Variants in NFIX observed in about 807,000 individuals in gnomAD.
NFIX encodes the protein nuclear factor 1 X-type.
NFIX carries 2 observed loss-of-function variants against 53.3 expected under a neutral mutation model. The observed-to-expected ratio is 0.04, with a 90% CI of 0.02 to 0.12. The LOEUF (loss-of-function observed/expected upper bound fraction) is 0.12, where lower values mean the gene tolerates loss of function less well. NFIX is among the 10% of genes least tolerant of loss of function. NFIX has a pLI of 1.00. For missense variants in NFIX, 310 were observed against 674.5 expected (o/e 0.46, Z 5.99); for synonymous variants, 244 against 289.0 (o/e 0.84, Z 1.58).
chr19:13,024,836 A>C (rs1466701103), intron 1 of NFIX, 185 bp from the exon 2 acceptor site: 7 of 1,342,520 alleles, frequency 5.2e-6, no homozygotes, highest in African/African-American at 1.4e-5. Context: ...TGGTGGCTTC[A>C]AACCACACTT....
chr19:13,073,135 G>C lies in NFIX; in HGVS notation c.622+26G>C. 6.2e-7 allele frequency: 1 copy of C among 1,612,168 alleles called. No individual in the cohort carries two copies. The highest frequency in any genetic ancestry group is 1.1e-5 in the South Asian group (1 of 91,036). Reference sequence around the variant, plus strand: ...GTCAGTGCCCCCCACCTGCCCAGCTGCCCTTATCCTTCATGCCCCTCCACT... The same window carrying C: ...GTCAGTGCCCCCCACCTGCCCAGCTCCCCTTATCCTTCATGCCCCTCCACT... On this transcript the variant is annotated intron_variant, in intron 3 of 10. Transcript: ENST00000592199. The surrounding 1 kb of genome is among the most constrained non-coding windows in gnomAD (Gnocchi z 4.5).
chr19:13,054,525 C>G (rs2015528767), intron 2 of NFIX, among the ~76,000 whole-genome samples: 1 of 152,102 alleles, frequency 6.6e-6, no homozygotes, highest in African/African-American at 2.4e-5. Context: ...TCCCTGCACT[C>G]CTGTGGGTGC....
rs1421108886 is a variant in NFIX, at chr19:13,018,298, G to A, written c.28-6723G>A. Among the ~76,000 whole-genome samples, 5 of 135,084 alleles carry A rather than the reference G, an allele frequency of 3.7e-5. No individual in the cohort carries two copies. In the East Asian group the frequency reaches 7.3e-4, roughly 20 times the overall value. The allele number at this position is 135,084 out of a possible 152,430, so 88.6% of individuals were successfully genotyped here. A position where few individuals can be genotyped will look rare whatever the true frequency, so the allele number is the denominator to read the frequency against. On this transcript the variant is annotated intron_variant, in intron 1 of 10. Coordinates refer to ENST00000592199, the MANE Select transcript of NFIX (RefSeq NM_001365902.3). The stretch of plus-strand genomic sequence containing the variant: ...CCTGTTGGCCCGATCCCAGGCCACC[G>A]CTCCTGGTTTGTAGTCTGGAGGAGA...
chr19:13,064,639 CTG>C (rs1043257849), intron 2 of NFIX, among the ~76,000 whole-genome samples: 2 of 152,226 alleles, frequency 1.3e-5, no homozygotes, highest in Non-Finnish European at 2.9e-5. Context: ...GGGAGCCCCT[CTG>C]TTCACTGGCA....
chr19:13,051,536 C>G lies in NFIX; in HGVS notation c.560-21511C>G, dbSNP rs1189077267. 6.6e-6 allele frequency among the ~76,000 whole-genome samples: 1 copy of G among 152,188 alleles called. No homozygotes were observed. The highest frequency in any genetic ancestry group is 1.5e-5 in the Non-Finnish European group (1 of 68,024). ...CAGCTCTAGTCAGCCAGTGACATCTCCCCCGTACCCAGGCCAGTGAGCCAG... is the reference window on the plus strand; with the variant it reads ...CAGCTCTAGTCAGCCAGTGACATCTGCCCCGTACCCAGGCCAGTGAGCCAG... On this transcript the variant is annotated intron_variant, in intron 2 of 10. Coordinates refer to ENST00000592199, the MANE Select transcript of NFIX (RefSeq NM_001365902.3). This position sits in a 1 kb window ranked among gnomAD's most constrained non-coding sequence, Gnocchi z 5.1.
intron 1 of NFIX, among the ~76,000 whole-genome samples, chr19:13,023,734 C>T (rs2013101045): frequency 6.7e-6 from 1 of 150,090 alleles, no homozygotes; most frequent in Non-Finnish European, 1.5e-5. Flanking sequence ...CCGGCTCGCT[C>T]CCTCTCTCTG....
Position 13,026,250 on chromosome 19 carries a change from A to C in NFIX, c.559+698A>C, listed in dbSNP as rs34999793. Among the ~76,000 whole-genome samples, 239 of 152,292 alleles carry C rather than the reference A, an allele frequency of 1.6e-3. 3 individuals are homozygous for C. Among genetic ancestry groups the C allele is most frequent in the Middle Eastern group, 0.01 (3 of 294 alleles). Reference sequence around the variant, plus strand: ...TCTTTCCCTTCTCCTTATTTCAGCTAAAGTGGCAAGGCCTCAGGATGGATG... The same window carrying C: ...TCTTTCCCTTCTCCTTATTTCAGCTCAAGTGGCAAGGCCTCAGGATGGATG... On this transcript the variant is annotated intron_variant, in intron 2 of 10. Coordinates refer to ENST00000592199, the MANE Select transcript of NFIX (RefSeq NM_001365902.3).
intron 6 of NFIX, 99 bp downstream of exon 6, chr19:13,075,770 T>C: frequency 2.2e-6 from 3 of 1,364,454 alleles, no homozygotes; most frequent in Non-Finnish European, 3.0e-6. Flanking sequence ...GTTGTCCCCC[T>C]GTCGGGGGGC....
intron 2 of NFIX, among the ~76,000 whole-genome samples, chr19:13,053,782 TG>T (rs1049729956): frequency 6.6e-6 from 1 of 152,120 alleles, no homozygotes; most frequent in African/African-American, 2.4e-5. Context: ...CCTGGGAGTC[TG>T]GGGCCTGATA....
intron 8 of NFIX, among the ~76,000 whole-genome samples, chr19:13,086,340 G>A (rs2017778458): frequency 6.6e-6 from 1 of 152,230 alleles, no homozygotes; most frequent in Middle Eastern, 3.2e-3. Context: ...GGATTGATGA[G>A]CCTGGTGGAA....
At chr19:13,085,851 G>C (rs1292352460) in intron 8 of NFIX, among the ~76,000 whole-genome samples, 3 of 152,214 alleles carry the variant, frequency 2.0e-5, no homozygotes, top group African/African-American at 7.2e-5. Flanking sequence ...AAGTGCAGCA[G>C]GAAGGACAAG....
At chr19:13,074,236 G>A (rs1213049228) in intron 5 of NFIX, among the ~76,000 whole-genome samples, 1 of 152,188 alleles carries the variant, frequency 6.6e-6, no homozygotes, top group Non-Finnish European at 1.5e-5. Context: ...CCCAGCCCTG[G>A]GGACACAAAC....
rs1318813854 is a variant in NFIX at position 13,009,626 on chromosome 19, G to C, written c.27+13762G>C. Among the ~76,000 whole-genome samples the C allele has an allele frequency of 3.3e-5, 5 of 152,228 alleles. No homozygotes were observed. Among genetic ancestry groups the C allele is most frequent in the Non-Finnish European group, 7.3e-5 (5 of 68,040 alleles). Reference sequence around the variant, plus strand: ...AAGAAACAGGAGGAAGAGGCTTCCTGATTCCCCGCTTAAGGGTGTTCAAAC... The same window carrying C: ...AAGAAACAGGAGGAAGAGGCTTCCTCATTCCCCGCTTAAGGGTGTTCAAAC... On this transcript the variant is annotated intron_variant, in intron 1 of 10. Coordinates refer to ENST00000592199, the MANE Select transcript of NFIX (RefSeq NM_001365902.3). This position sits in a 1 kb window ranked among gnomAD's most constrained non-coding sequence, Gnocchi z 4.7.
intron 2 of NFIX, among the ~76,000 whole-genome samples, chr19:13,035,594 A>G (rs1461292602): frequency 6.6e-6 from 1 of 151,926 alleles, no homozygotes; most frequent in Non-Finnish European, 1.5e-5. Flanking sequence ...TTTTTAAATG[A>G]TTTGATTTTT....
intron 1 of NFIX, among the ~76,000 whole-genome samples, chr19:13,010,741 C>T (rs1446871076): frequency 1.3e-5 from 2 of 152,202 alleles, no homozygotes; most frequent in Non-Finnish European, 2.9e-5. Context: ...GTACACACCT[C>T]CCCAGCCTGC....
chr19:12,999,093 CGGAT>C (rs977834804), intron 1 of NFIX, among the ~76,000 whole-genome samples: 2 of 152,164 alleles, frequency 1.3e-5, no homozygotes, highest in Admixed American at 1.3e-4. Flanking sequence ...GACGGACAGG[CGGAT>C]GGATGGATAC....
intron 1 of NFIX, among the ~76,000 whole-genome samples, chr19:13,020,307 A>T (rs943130449): frequency 2.6e-5 from 4 of 152,218 alleles, no homozygotes; most frequent in African/African-American, 9.6e-5. Context: ...CACCAGTGGC[A>T]TGCAGGAGGA....
rs139865574 is a variant in NFIX at position 13,037,298 on chromosome 19, T to C, written c.559+11746T>C. ...ACTTGCTTAAGGGAGACCCGACTTC[T>C]GCACCCGGTCATATCCTCCCCAGGG... On this transcript the variant is annotated intron_variant, in intron 2 of 10. Transcript: ENST00000592199. The surrounding 1 kb of genome is among the most constrained non-coding windows in gnomAD (Gnocchi z 4.2). Among the ~76,000 whole-genome samples, 144 of 152,302 alleles carry C rather than the reference T, an allele frequency of 9.5e-4. 1 individual carries two copies. Among genetic ancestry groups the C allele is most frequent in the Middle Eastern group, 3.4e-3 (1 of 294 alleles).
Position 13,049,872 on chromosome 19 carries a change from G to A in NFIX, c.560-23175G>A, listed in dbSNP as rs2015222111. ...CTCCCAAAGTGTTGGGATTACAGGC[G>A]AGAGCCACTGCACCCGGCCAGTTCC... is the stretch of plus-strand genomic sequence containing the variant. On this transcript the variant is annotated intron_variant, in intron 2 of 10. Transcript: ENST00000592199. The surrounding 1 kb of genome is among the most constrained non-coding windows in gnomAD (Gnocchi z 4.5). Among the ~76,000 whole-genome samples the A allele has an allele frequency of 6.6e-6, 1 of 152,164 alleles. No homozygotes were observed. Among genetic ancestry groups the A allele is most frequent in the Admixed American group, 6.5e-5 (1 of 15,284 alleles).
Sources: gnomAD v4.1 joint callset for allele counts (sites outside exome capture counted in the v4.1 genomes callset) on GRCh38, gnomAD v4.1.1 for gene constraint, Gnocchi (gnomAD v3.1) non-coding constraint, MANE v1.5 for transcripts, NCBI Gene and HGNC (gene_info 2026-07-23, HGNC 2026-07-21) for gene names.